Variants in CDC42SE1 observed in about 807,000 individuals in gnomAD.
CDC42SE1 encodes the protein CDC42 small effector protein 1.
CDC42SE1 carries 10 observed loss-of-function variants against 10.9 expected under a neutral mutation model. That is an observed-to-expected ratio of 0.92 (90% CI 0.57 to 1.56). The LOEUF (loss-of-function observed/expected upper bound fraction) is 1.56, where lower values mean the gene tolerates loss of function less well. Among genes scored for constraint, CDC42SE1 ranks in the 40% most tolerant of loss-of-function variants. The probability of loss-of-function intolerance (pLI) is 0.00; values close to 1 mark genes in which losing one functional copy is unlikely to be tolerated. For missense variants in CDC42SE1, 81 were observed against 100.8 expected (o/e 0.80, Z 0.84); for synonymous variants, 24 against 32.0 (o/e 0.75, Z 0.85).
At chr1:151,054,418 C>T in intron 3 of CDC42SE1, 97 bp from the exon 4 acceptor site, 1 of 943,092 alleles carries the variant, frequency 1.1e-6, no homozygotes. Flanking sequence ...GACGCCATCT[C>T]CTTGACAATA....
chr1:151,054,674 C>T (rs1337882252), intron 3 of CDC42SE1, among the ~76,000 whole-genome samples: 2 of 152,046 alleles, frequency 1.3e-5, no homozygotes, highest in African/African-American at 4.8e-5. Flanking sequence ...TTTTCCTGTC[C>T]CAACACTCCT....
Position 151,057,485 on chromosome 1 carries a change from C to G in CDC42SE1, c.-263-1492G>C, listed in dbSNP as rs1676300313. Among the ~76,000 whole-genome samples the G allele has an allele frequency of 6.6e-6, 1 of 152,180 alleles. No homozygotes were observed. The highest frequency in any genetic ancestry group is 2.1e-4 in the South Asian group (1 of 4,816). ...AGCCGAGATCGCCACTGCACTCCAG[C>G]CTGGGCAACAAGAGCGAAACTCCGC... On this transcript the variant is annotated intron_variant, in intron 1 of 4. Transcript: ENST00000357235. This position sits in a 1 kb window ranked among gnomAD's most constrained non-coding sequence, Gnocchi z 4.0.
At chr1:151,053,919 TC>T (rs1558108352) in intron 4 of CDC42SE1, among the ~76,000 whole-genome samples, 1 of 152,170 alleles carries the variant, frequency 6.6e-6, no homozygotes, top group African/African-American at 2.4e-5. Flanking sequence ...AACCTCCGCC[TC>T]CCAGGTTCAA....
rs919077755 is a variant in CDC42SE1, at chr1:151,057,470, G to A, written c.-263-1477C>T. ...CCGGAGATTGCAGTGAGCCGAGATC[G>A]CCACTGCACTCCAGCCTGGGCAACA... On this transcript the variant is annotated intron_variant, in intron 1 of 4. Transcript: ENST00000357235. The surrounding 1 kb of genome is among the most constrained non-coding windows in gnomAD (Gnocchi z 4.0). 1.3e-5 allele frequency among the ~76,000 whole-genome samples: 2 copies of A among 151,522 alleles called. No individual in the cohort carries two copies. The highest frequency in any genetic ancestry group is 2.9e-5 in the Non-Finnish European group (2 of 67,862).
rs1676315745 is a variant in CDC42SE1, at chr1:151,057,886, T to TA, written c.-264+1592dup. On this transcript the variant is annotated intron_variant, in intron 1 of 4. Transcript: ENST00000357235. The surrounding 1 kb of genome is among the most constrained non-coding windows in gnomAD (Gnocchi z 4.0). The stretch of plus-strand genomic sequence containing the variant: ...AGGAGTAACCAGAAGGAGCGGAAGC[T>TA]AAAACACGCTGTCCAGAGAGGGGAG... The TA allele has an allele frequency of 6.6e-6, 1 of 152,278 alleles. No individual in the cohort carries two copies. The highest frequency in any genetic ancestry group is 2.1e-4 in the South Asian group (1 of 4,834). 9.4% of individuals were successfully genotyped at this position (152,278 alleles called of 1,614,324 possible).
chr1:151,055,695 C>T lies in CDC42SE1; in HGVS notation c.36G>A (p.Val12=). 6.2e-7 allele frequency: 1 copy of T among 1,613,428 alleles called. No homozygotes were observed. Among genetic ancestry groups the T allele is most frequent in the Non-Finnish European group, 8.5e-7 (1 of 1,179,610 alleles). The change falls in exon 2 of 5, where the codon GTG becomes GTA. Residue 12 remains valine (V), a synonymous_variant. Coordinates refer to ENST00000357235, the MANE Select transcript of CDC42SE1 (RefSeq NM_020239.4). ...SEFWHKLGCC[V]VEKPQPKKKR... is the part of the protein sequence containing the mutation. ...GACTCACCGGCTGGGGTTTCTCTAC[C>T]ACACAGCAGCCCAGTTTGTGCCAAA...
In CDC42SE1 at chr1:151,055,029, T is replaced by TCTCCGGCC. The variant is rs767803387; in HGVS notation, c.144_151dup (p.Asp51GlyfsTer8). On this transcript the variant is annotated frameshift_variant, in exon 3 of 5. Coordinates refer to ENST00000357235, the MANE Select transcript of CDC42SE1 (RefSeq NM_020239.4). LOFTEE classifies it high-confidence loss of function. Reference sequence around the variant, plus strand: ...TTTCCTTGTTACCATGGCAAGTCCATCTCCGGCCCCCATCTCCCCTGAGCC... The same window carrying TCTCCGGCC: ...TTTCCTTGTTACCATGGCAAGTCCATCTCCGGCCCTCCGGCCCCCATCTCCCCTGAGCC... 4 of 1,613,090 alleles carry TCTCCGGCC rather than the reference T, an allele frequency of 2.5e-6. No homozygotes were observed. In the African/African-American group the frequency reaches 5.3e-5, roughly 22 times the overall value.
At chr1:151,055,586 T>C (rs960996405) in intron 2 of CDC42SE1, 91 bp downstream of exon 2, 1 of 1,096,904 alleles carries the variant, frequency 9.1e-7, no homozygotes, top group South Asian at 1.3e-5. Context: ...AGTGTGCTTT[T>C]TTAGATGGCA....
At chr1:151,055,180 G>A (rs890909876) in intron 2 of CDC42SE1, 54 bp from the exon 3 acceptor site, 8 of 1,325,058 alleles carry the variant, frequency 6.0e-6, no homozygotes, top group Non-Finnish European at 8.7e-6. Flanking sequence ...CAGTCAGCAC[G>A]GAGGAAGGGA....
In CDC42SE1 at chr1:151,052,399, C is replaced by T. The variant is rs1308069128; in HGVS notation, c.*945G>A. On this transcript the variant is annotated 3_prime_UTR_variant, in exon 5 of 5. Transcript: ENST00000357235. ...GATTGTTTTCAACCTATTTATCTCACCATCCTCAATGATCAGAAGTCCACC... is the reference window on the plus strand; with the variant it reads ...GATTGTTTTCAACCTATTTATCTCATCATCCTCAATGATCAGAAGTCCACC... The T allele has an allele frequency of 6.6e-6, 1 of 152,614 alleles. No individual in the cohort carries two copies. Among genetic ancestry groups the T allele is most frequent in the East Asian group, 1.9e-4 (1 of 5,192 alleles). 9.5% of individuals were successfully genotyped at this position (152,614 alleles called of 1,614,324 possible). A position where few individuals can be genotyped will look rare whatever the true frequency, so the allele number is the denominator to read the frequency against.
chr1:151,055,618 C>G, intron 2 of CDC42SE1, 59 bp downstream of exon 2: 1 of 1,405,864 alleles, frequency 7.1e-7, no homozygotes, highest in Non-Finnish European at 1.0e-6. Flanking sequence ...GTGTGGCTAC[C>G]TCACAGCACA....
chr1:151,052,942 T>C lies in CDC42SE1; in HGVS notation c.*402A>G, dbSNP rs914115326. The C allele has an allele frequency of 2.6e-4, 40 of 152,412 alleles. No homozygotes were observed. The highest frequency in any genetic ancestry group is 9.4e-4 in the African/African-American group (39 of 41,582). 9.4% of individuals were successfully genotyped at this position (152,412 alleles called of 1,614,324 possible). On this transcript the variant is annotated 3_prime_UTR_variant, in exon 5 of 5. Coordinates refer to ENST00000357235, the MANE Select transcript of CDC42SE1 (RefSeq NM_020239.4). ...CTTCTCAGCAAAGCCAGCTTCAGCT[T>C]TGATAATCTCACCCACCTACCCCAT...
rs750107083 is a variant in CDC42SE1 at position 151,052,909 on chromosome 1, G to C, written c.*435C>G. ...CAGGAAGGAGGAGAAGGGCAGGGAGGTAGGGAGCTTCTCAGCAAAGCCAGC... is the reference window on the plus strand; with the variant it reads ...CAGGAAGGAGGAGAAGGGCAGGGAGCTAGGGAGCTTCTCAGCAAAGCCAGC... On this transcript the variant is annotated 3_prime_UTR_variant, in exon 5 of 5. Coordinates refer to ENST00000357235, the MANE Select transcript of CDC42SE1 (RefSeq NM_020239.4). 7 of 152,250 alleles carry C rather than the reference G, an allele frequency of 4.6e-5. No individual in the cohort carries two copies. The highest frequency in any genetic ancestry group is 4.6e-4 in the Admixed American group (7 of 15,268). The allele number at this position is 152,250 out of a possible 1,614,324, so 9.4% of individuals were successfully genotyped here. A position where few individuals can be genotyped will look rare whatever the true frequency, so the allele number is the denominator to read the frequency against.
intron 4 of CDC42SE1, among the ~76,000 whole-genome samples, chr1:151,053,773 T>A (rs939823597): frequency 6.6e-6 from 1 of 152,074 alleles, no homozygotes; most frequent in African/African-American, 2.4e-5. Context: ...TTAGCCACCA[T>A]GCCCGGCCTA....
At position 151,051,636 on chromosome 1, in the gene CDC42SE1, G is replaced by A. The variant is rs11581699; in HGVS notation, c.*1708C>T. 1.3e-5 allele frequency: 2 copies of A among 152,500 alleles called. No homozygotes were observed. Among genetic ancestry groups the A allele is most frequent in the Non-Finnish European group, 2.9e-5 (2 of 68,012 alleles). The allele number at this position is 152,500 out of a possible 1,614,324, so 9.4% of individuals were successfully genotyped here. A position where few individuals can be genotyped will look rare whatever the true frequency, so the allele number is the denominator to read the frequency against. ...ATTACCCTGGAAGGGCCAGAACGAA[G>A]AACACCTGAGAATACTGAAAGTGCC... is the stretch of plus-strand genomic sequence containing the variant. On this transcript the variant is annotated 3_prime_UTR_variant, in exon 5 of 5. Transcript: ENST00000357235.
intron 1 of CDC42SE1, among the ~76,000 whole-genome samples, 165 bp from the exon 2 acceptor site, chr1:151,056,158 A>T (rs1676273704): frequency 6.6e-6 from 1 of 151,852 alleles, no homozygotes; most frequent in Admixed American, 6.6e-5. Context: ...GTTTGACTCT[A>T]AAAAAAAGGA....
At chr1:151,054,127 G>A (rs1042500593) in intron 4 of CDC42SE1, 104 bp downstream of exon 4, 8 of 783,080 alleles carry the variant, frequency 1.0e-5, no homozygotes, top group East Asian at 2.5e-5. Context: ...CACCATGCCC[G>A]GCCACACCTC....
At chr1:151,055,359 CAAAG>C (rs3830607) in intron 2 of CDC42SE1, 71,372 of 592,004 alleles carry the variant, frequency 0.12, 4,818 homozygotes, top group Non-Finnish European at 0.14. Flanking sequence ...GAACACTGGA[CAAAG>C]AAAGGACATG....
In CDC42SE1 at chr1:151,052,879, T is replaced by C. The variant is rs1245839811; in HGVS notation, c.*465A>G. ...CTGCTTGACATCTGCTTTAGTTCAT[T>C]CCAGCAGGAAGGAGGAGAAGGGCAG... On this transcript the variant is annotated 3_prime_UTR_variant, in exon 5 of 5. Transcript: ENST00000357235. 3 of 152,168 alleles carry C rather than the reference T, an allele frequency of 2.0e-5. No individual in the cohort carries two copies. The highest frequency in any genetic ancestry group is 7.2e-5 in the African/African-American group (3 of 41,396). The allele number at this position is 152,168 out of a possible 1,614,324, so 9.4% of individuals were successfully genotyped here.
Sources: allele counts gnomAD v4.1 joint callset (sites outside exome capture counted in the v4.1 genomes callset), GRCh38; gene constraint gnomAD v4.1.1; non-coding constraint Gnocchi (gnomAD v3.1); transcripts MANE v1.5; gene names NCBI Gene and HGNC (gene_info 2026-07-23, HGNC 2026-07-21).